ZBTB40: variants seen among roughly 807,000 people sequenced by gnomAD.
ZBTB40 encodes the protein zinc finger and BTB domain-containing protein 40.
ZBTB40 carries 60 observed loss-of-function variants against 117.5 expected under a neutral mutation model. The ratio of observed to expected loss-of-function variants is 0.51; its 90% CI spans 0.41 to 0.63. The LOEUF is 0.63. ZBTB40 is among the 30% of genes least tolerant of loss of function. The probability of loss-of-function intolerance (pLI) is 0.00; values close to 1 mark genes in which losing one functional copy is unlikely to be tolerated. For missense variants in ZBTB40, 1,287 were observed against 1,498.5 expected (o/e 0.86, Z 2.33); for synonymous variants, 525 against 577.1 (o/e 0.91, Z 1.29).
At chr1:22,489,025 T>C (rs1638550063) in intron 1 of ZBTB40, among the ~76,000 whole-genome samples, 2 of 152,210 alleles carry the variant, frequency 1.3e-5, no homozygotes, top group African/African-American at 4.8e-5. Context: ...GACTTGGTTT[T>C]AGTCTGAAGA....
intron 7 of ZBTB40, 140 bp downstream of exon 7, chr1:22,508,277 A>G (rs1639128654): frequency 1.8e-6 from 2 of 1,120,318 alleles, no homozygotes. Flanking sequence ...GGAGAAATAG[A>G]AGGTATCTCA....
intron 12 of ZBTB40, among the ~76,000 whole-genome samples, chr1:22,514,551 G>A (rs192368069): frequency 6.6e-6 from 1 of 152,212 alleles, no homozygotes; most frequent in Non-Finnish European, 1.5e-5. Context: ...CTTTGCTGGG[G>A]ACGCTTCCCA....
chr1:22,454,232 C>A (rs1331258309), intron 1 of ZBTB40, among the ~76,000 whole-genome samples: 1 of 152,192 alleles, frequency 6.6e-6, no homozygotes, highest in Non-Finnish European at 1.5e-5. Flanking sequence ...GGATTATAGG[C>A]GTGAGCCATC....
At position 22,490,127 on chromosome 1, in the gene ZBTB40, C is replaced by T. The variant is rs763040871; in HGVS notation, c.179C>T (p.Ser60Phe). The T allele has an allele frequency of 3.0e-5, 49 of 1,614,184 alleles. No individual in the cohort carries two copies. The highest frequency in any genetic ancestry group is 2.0e-4 in the East Asian group (9 of 44,886). ...KTLLDNTDTI[S>F]IDASVVSPEE... ...CTGCTGGATAACACAGATACCATCT[C>T]CATCGATGCATCTGTGGTGAGCCCC... Residue 60 changes from serine (S) to phenylalanine (F), a missense_variant, in exon 2 of 18, where the codon TCC (serine) becomes TTC (phenylalanine). Ser to Phe is a radical substitution (Grantham distance 155). Coordinates refer to ENST00000375647, the MANE Select transcript of ZBTB40 (RefSeq NM_014870.4).
rs561972518 is a variant in ZBTB40, at chr1:22,508,404, G to T, written c.1498-126G>T. On this transcript the variant is annotated intron_variant, in intron 7 of 17. Transcript: ENST00000375647. Reference sequence around the variant, plus strand: ...TATAAGAAATCTCTCAGACTGAGAGGTGAGGATGTTGAAAAACTCCTTCCC... The same window carrying T: ...TATAAGAAATCTCTCAGACTGAGAGTTGAGGATGTTGAAAAACTCCTTCCC... 6 of 1,156,052 alleles carry T rather than the reference G, an allele frequency of 5.2e-6. No individual in the cohort carries two copies. The African/African-American group carries it at 9.1e-5, about 18-fold the overall frequency. The allele number at this position is 1,156,052 out of a possible 1,614,324, so 71.6% of individuals were successfully genotyped here. A position where few individuals can be genotyped will look rare whatever the true frequency, so the allele number is the denominator to read the frequency against.
chr1:22,524,180 T>G, intron 16 of ZBTB40, 38 bp from the exon 17 acceptor site: 2 of 1,598,670 alleles, frequency 1.3e-6, no homozygotes. Flanking sequence ...CAGAGAATTT[T>G]ACCCACAGCC....
intron 5 of ZBTB40, among the ~76,000 whole-genome samples, chr1:22,504,344 G>GGTA (rs1323210548): frequency 5.3e-5 from 8 of 152,132 alleles, no homozygotes; most frequent in African/African-American, 1.7e-4. Context: ...AGAAAAAAAA[G>GGTA]GTAATTACTA....
Position 22,521,678 on chromosome 1 carries a change from G to T in ZBTB40, c.3211+20G>T, listed in dbSNP as rs375055577. 16 of 1,614,080 alleles carry T rather than the reference G, an allele frequency of 9.9e-6. No individual in the cohort carries two copies. The highest frequency in any genetic ancestry group is 1.6e-4 in the Middle Eastern group (1 of 6,084). The stretch of plus-strand genomic sequence containing the variant: ...ATGCAGGTGGAGTTTGGGTACCGCC[G>T]GCAGAGAGCGGGAGGGGCTTGATGG... On this transcript the variant is annotated intron_variant, in intron 15 of 17. Transcript: ENST00000375647.
At chr1:22,485,647 T>C (rs1336829834) in intron 1 of ZBTB40, among the ~76,000 whole-genome samples, 1 of 152,224 alleles carries the variant, frequency 6.6e-6, no homozygotes, top group Non-Finnish European at 1.5e-5. Context: ...CATCAAATAT[T>C]GCTGCTTTTC....
intron 1 of ZBTB40, among the ~76,000 whole-genome samples, chr1:22,458,813 A>C (rs891858320): frequency 6.6e-6 from 1 of 151,564 alleles, no homozygotes; most frequent in African/African-American, 2.4e-5. Context: ...CTGGTCTTGA[A>C]CTCCTGGCCT....
At chr1:22,444,550 G>A (rs1196190334) in intron 1 of ZBTB40, among the ~76,000 whole-genome samples, 2 of 152,232 alleles carry the variant, frequency 1.3e-5, no homozygotes, top group African/African-American at 4.8e-5. Context: ...TCAAGCATGT[G>A]CACTAAGAGG....
At position 22,502,408 on chromosome 1, in the gene ZBTB40, C is replaced by A. The variant is rs762484337; in HGVS notation, c.1134C>A (p.Ala378=). 5.5e-5 allele frequency: 88 copies of A among 1,613,920 alleles called. No individual in the cohort carries two copies. Among genetic ancestry groups the A allele is most frequent in the Non-Finnish European group, 6.4e-5 (75 of 1,179,976 alleles). Residue 378 remains alanine (A), a synonymous_variant, in exon 5 of 18, where the codon GCC becomes GCA. Coordinates refer to ENST00000375647, the MANE Select transcript of ZBTB40 (RefSeq NM_014870.4). ...LRPIMESLET[A]KEEFLTGTEK... is the part of the protein sequence containing the mutation. ...CTATTATGGAGTCCCTGGAAACAGCCAAGGAGGAATTCCTGACTGGCACTG... is the reference window on the plus strand; with the variant it reads ...CTATTATGGAGTCCCTGGAAACAGCAAAGGAGGAATTCCTGACTGGCACTG...
In ZBTB40 at chr1:22,517,338, G is replaced by T. The variant is rs147470184; in HGVS notation, c.2707G>T (p.Ala903Ser). The T allele has an allele frequency of 1.2e-6, 2 of 1,614,180 alleles. No individual in the cohort carries two copies. Among genetic ancestry groups the T allele is most frequent in the African/African-American group, 2.7e-5 (2 of 75,044 alleles). ...YACQYCDAVF[A>S]QSIELSRHVR... is the part of the protein sequence containing the mutation. ...ATGCCAGTACTGTGATGCTGTGTTT[G>T]CCCAGTCTATTGAGCTGTCCCGCCA... Residue 903 changes from alanine (A) to serine (S), a missense_variant, in exon 13 of 18, where the codon GCC becomes TCC. Physicochemically the swap from Ala to Ser is moderately conservative, Grantham distance 99. Around this residue, in one of 2 missense-constraint regions of ZBTB40, gnomAD observed 417 missense variants for 564.1 expected, o/e 0.74. Transcript: ENST00000375647.
chr1:22,454,609 A>G (rs993981810), intron 1 of ZBTB40, among the ~76,000 whole-genome samples: 1 of 152,224 alleles, frequency 6.6e-6, no homozygotes, highest in African/African-American at 2.4e-5. Flanking sequence ...TTCAGAGACT[A>G]AGGTGGGTAA....
At chr1:22,522,317 A>T in intron 15 of ZBTB40, 60 bp from the exon 16 acceptor site, 2 of 1,556,670 alleles carry the variant, frequency 1.3e-6, no homozygotes. Flanking sequence ...GTTACTCTTC[A>T]GCCTTGGAGA....
chr1:22,438,159 A>G lies in ZBTB40; in HGVS notation c.-70+9145A>G, dbSNP rs140553070. On this transcript the variant is annotated intron_variant, in intron 1 of 8. Transcript: ENST00000650433. Reference sequence around the variant, plus strand: ...AAAAACAAAACCCAAAAAACTCTATACCCATTAAACAATAACTCCCCATGT... The same window carrying G: ...AAAAACAAAACCCAAAAAACTCTATGCCCATTAAACAATAACTCCCCATGT... Among the ~76,000 whole-genome samples the G allele has an allele frequency of 1.3e-3, 200 of 151,934 alleles. 1 individual carries two copies. The highest frequency in any genetic ancestry group is 4.6e-3 in the African/African-American group (189 of 41,442).
Position 22,431,267 on chromosome 1 carries a change from G to A in ZBTB40, c.-70+2253G>A, listed in dbSNP as rs373022050. 8.5e-5 allele frequency among the ~76,000 whole-genome samples: 12 copies of A among 140,978 alleles called. No individual in the cohort carries two copies. The South Asian group carries it at 1.1e-3, about 13-fold the overall frequency. The allele number at this position is 140,978 out of a possible 152,430, so 92.5% of individuals were successfully genotyped here. A position where few individuals can be genotyped will look rare whatever the true frequency, so the allele number is the denominator to read the frequency against. On this transcript the variant is annotated intron_variant, in intron 1 of 8. Coordinates refer to the ZBTB40 transcript ENST00000650433. The stretch of plus-strand genomic sequence containing the variant: ...ATGCATATACAATATTGTATATATT[G>A]AATATATACAATATTGTATATATTG...
chr1:22,524,329 G>C lies in ZBTB40; in HGVS notation c.3410G>C (p.Cys1137Ser), dbSNP rs1258316141. The C allele has an allele frequency of 6.2e-7, 1 of 1,614,046 alleles. No homozygotes were observed. The highest frequency in any genetic ancestry group is 1.3e-5 in the African/African-American group (1 of 74,904). The change falls in exon 17 of 18, where the codon TGT becomes TCT. Residue 1137 changes from cysteine (C) to serine (S), a missense_variant. Around this residue, in one of 2 missense-constraint regions of ZBTB40, gnomAD observed 417 missense variants for 564.1 expected, o/e 0.74. Transcript: ENST00000375647. ...AAGCAGTCAGAGACCACCTTCCCCT[G>C]TGAGCTCTGTGGGGAACTCTTCACC... ...HFKQSETTFP[C>S]ELCGELFTSQ...
chr1:22,498,469 T>C (rs1638841058), intron 3 of ZBTB40, among the ~76,000 whole-genome samples: 1 of 152,102 alleles, frequency 6.6e-6, no homozygotes, highest in Non-Finnish European at 1.5e-5. Flanking sequence ...AGGTCCCCAG[T>C]AGGTTCTGAA....
Sources: gnomAD v4.1 joint callset for allele counts (sites outside exome capture counted in the v4.1 genomes callset) on GRCh38, gnomAD v4.1.1 for gene constraint, gnomAD v4.1.1 regional missense constraint, MANE v1.5 for transcripts, NCBI Gene and HGNC (gene_info 2026-07-23, HGNC 2026-07-21) for gene names.